Variants in SQOR observed in about 807,000 individuals in gnomAD.
SQOR encodes sulfide:quinone oxidoreductase, mitochondrial.
Under a neutral mutation model 48.6 loss-of-function variants are expected in SQOR, and 39 were observed. The ratio of observed to expected loss-of-function variants is 0.80; its 90% CI spans 0.62 to 1.05. The LOEUF (loss-of-function observed/expected upper bound fraction) is 1.05. Ranked by LOEUF, SQOR falls within the 50% of genes least tolerant of loss-of-function variation. The probability of loss-of-function intolerance (pLI) is 0.00; values close to 1 mark genes in which losing one functional copy is unlikely to be tolerated. For synonymous variants in SQOR, 220 were observed against 206.2 expected, an observed-to-expected ratio of 1.07 and a Z score of -0.57; for missense variants, 561 against 559.9, an observed-to-expected ratio of 1.00 and a Z score of -0.02.
At chr15:45,672,767 C>A (rs910860224) in intron 4 of SQOR, among the ~76,000 whole-genome samples, 4 of 152,212 alleles carry the variant, frequency 2.6e-5, no homozygotes, top group Admixed American at 6.5e-5. Flanking sequence ...CTAACATTTA[C>A]AGGACATTTG....
chr15:45,638,276 C>G (rs925418330), intron 1 of SQOR, among the ~76,000 whole-genome samples: 8 of 152,222 alleles, frequency 5.3e-5, no homozygotes, highest in Non-Finnish European at 1.5e-5. Context: ...CCCCCAGGAT[C>G]TTAGAATGTG....
chr15:45,687,536 T>C (rs1890245165), intron 7 of SQOR, among the ~76,000 whole-genome samples: 1 of 152,212 alleles, frequency 6.6e-6, no homozygotes, highest in South Asian at 2.1e-4. Context: ...CCATCAGAGA[T>C]ACAGACAGGA....
chr15:45,649,865 G>A (rs115158907), intron 1 of SQOR, among the ~76,000 whole-genome samples: 5,715 of 151,824 alleles, frequency 0.038, 385 homozygotes, highest in African/African-American at 0.13. Context: ...GTTTTTGTGT[G>A]TGTTTTTTTG....
At chr15:45,643,541 A>T (rs1379976275) in intron 1 of SQOR, among the ~76,000 whole-genome samples, 1 of 152,210 alleles carries the variant, frequency 6.6e-6, no homozygotes, top group Admixed American at 6.5e-5. Context: ...TGCGAATTTC[A>T]TGTAAGTCTA....
At chr15:45,648,592 G>A (rs1486054912) in intron 1 of SQOR, among the ~76,000 whole-genome samples, 4 of 152,260 alleles carry the variant, frequency 2.6e-5, no homozygotes, top group South Asian at 2.1e-4. Context: ...AATTAAATAC[G>A]CCCAGAAAGC....
intron 7 of SQOR, among the ~76,000 whole-genome samples, chr15:45,684,063 C>A (rs1890177008): frequency 1.4e-5 from 2 of 142,278 alleles, no homozygotes; most frequent in South Asian, 4.4e-4. Flanking sequence ...AGGCACCCAC[C>A]ACCACACCTG....
chr15:45,685,970 C>A (rs962551930), intron 7 of SQOR, among the ~76,000 whole-genome samples: 2 of 147,968 alleles, frequency 1.4e-5, no homozygotes, highest in Admixed American at 6.8e-5. Context: ...CCCACCCCCC[C>A]ACCCAAGTAG....
intron 2 of SQOR, among the ~76,000 whole-genome samples, chr15:45,661,289 T>TGA (rs777334925): frequency 1.2e-5 from 1 of 84,376 alleles, no homozygotes; most frequent in Non-Finnish European, 2.3e-5. Context: ...AGACTCTGTC[T>TGA]TAAAAAAAAA....
At chr15:45,661,507 AG>A in intron 2 of SQOR, among the ~76,000 whole-genome samples, 1 of 152,094 alleles carries the variant, frequency 6.6e-6, no homozygotes, top group East Asian at 1.9e-4. Context: ...TGAAGTTTAG[AG>A]GACCTCTGGA....
intron 6 of SQOR, among the ~76,000 whole-genome samples, chr15:45,679,891 A>T (rs928079905): frequency 6.6e-6 from 1 of 152,200 alleles, no homozygotes; most frequent in Admixed American, 6.5e-5. Flanking sequence ...GGCATGGTGT[A>T]GCCTGGGAAC....
chr15:45,675,780 T>C (rs917034385), intron 5 of SQOR, among the ~76,000 whole-genome samples: 4 of 152,208 alleles, frequency 2.6e-5, no homozygotes, highest in African/African-American at 4.8e-5. Flanking sequence ...TAAATATTTA[T>C]TGAGTAAATG....
chr15:45,660,941 C>A (rs969324271), intron 2 of SQOR, among the ~76,000 whole-genome samples: 3 of 152,154 alleles, frequency 2.0e-5, no homozygotes, highest in African/African-American at 7.2e-5. Flanking sequence ...TTAAACAAAT[C>A]TGCCCTTTGC....
intron 3 of SQOR, among the ~76,000 whole-genome samples, chr15:45,667,374 A>G (rs1246447693): frequency 2.0e-5 from 3 of 152,080 alleles, no homozygotes; most frequent in Admixed American, 6.6e-5. Flanking sequence ...CAAAGGATTA[A>G]TAGCCTATTT....
At chr15:45,648,411 C>T (rs903859650) in intron 1 of SQOR, among the ~76,000 whole-genome samples, 4 of 152,130 alleles carry the variant, frequency 2.6e-5, no homozygotes, top group Admixed American at 6.5e-5. Context: ...CTCCTGACCT[C>T]GTGATCCGCC....
chr15:45,652,906 G>T (rs1595573472), intron 1 of SQOR, among the ~76,000 whole-genome samples: 1 of 151,644 alleles, frequency 6.6e-6, no homozygotes, highest in East Asian at 2.0e-4. Flanking sequence ...CTGGGAGGTG[G>T]AGGTTGCAGT....
chr15:45,649,593 C>A (rs1455637370), intron 1 of SQOR, among the ~76,000 whole-genome samples: 3 of 152,090 alleles, frequency 2.0e-5, no homozygotes, highest in African/African-American at 7.2e-5. Context: ...GATTCTCCTG[C>A]CTCAGCCTCC....
intron 5 of SQOR, among the ~76,000 whole-genome samples, chr15:45,674,536 C>G (rs187929330): frequency 4.2e-4 from 64 of 152,106 alleles, no homozygotes; most frequent in African/African-American, 1.5e-3. Context: ...TCATTTTTAT[C>G]CATAATGCTA....
Position 45,682,145 on chromosome 15 carries a change from T to G in SQOR, c.865-333T>G, listed in dbSNP as rs149211033. ...CTGCAACTGAAATATACCACCCCCTTATTTTAGTACTAATAAAAACATCAA... is the reference window on the plus strand; with the variant it reads ...CTGCAACTGAAATATACCACCCCCTGATTTTAGTACTAATAAAAACATCAA... On this transcript the variant is annotated intron_variant, in intron 6 of 9. Coordinates refer to ENST00000260324, the MANE Select transcript of SQOR (RefSeq NM_021199.4). Among the ~76,000 whole-genome samples the G allele has an allele frequency of 7.9e-3, 1,198 of 152,272 alleles. 12 individuals carry two copies. Among genetic ancestry groups the G allele is most frequent in the African/African-American group, 0.028 (1,159 of 41,542 alleles).
intron 1 of SQOR, among the ~76,000 whole-genome samples, chr15:45,646,242 G>T (rs763641366): frequency 3.3e-5 from 5 of 152,216 alleles, no homozygotes; most frequent in Non-Finnish European, 7.3e-5. Context: ...CAGCAGAGAG[G>T]CCATCCCTGG....
Sources: allele counts gnomAD v4.1 joint callset (sites outside exome capture counted in the v4.1 genomes callset), GRCh38; gene constraint gnomAD v4.1.1; transcripts MANE v1.5; gene names NCBI Gene and HGNC (gene_info 2026-07-23, HGNC 2026-07-21).